The following FGFR2 variants were observed in gnomAD, a reference collection of about 807,000 sequenced individuals.
FGFR2 encodes BEK fibroblast growth factor receptor.
In FGFR2, 19 loss-of-function variants were observed where a neutral mutation model predicts 95.9. The ratio of observed to expected loss-of-function variants is 0.20; its 90% CI spans 0.14 to 0.29. The LOEUF is 0.29. Ranked by LOEUF, FGFR2 falls within the 10% of genes least tolerant of loss-of-function variation. The pLI, the probability that FGFR2 is intolerant of heterozygous loss-of-function variation, is 1.00. For synonymous variants in FGFR2, 392 were observed against 393.3 expected, an observed-to-expected ratio of 1.00 and a Z score of 0.04; for missense variants, 707 against 1,056.9, an observed-to-expected ratio of 0.67 and a Z score of 4.59.
chr10:121,520,204 T>C (rs368483634), intron 6 of FGFR2, 35 bp from the exon 7 acceptor site: 95 of 1,593,596 alleles, frequency 6.0e-5, no homozygotes, highest in Middle Eastern at 2.0e-4. Context: ...GGAGTGGGGA[T>C]GGGAGAATGA....
At chr10:121,499,017 A>G (rs963504887) in intron 11 of FGFR2, among the ~76,000 whole-genome samples, 4 of 152,194 alleles carry the variant, frequency 2.6e-5, no homozygotes, top group Non-Finnish European at 5.9e-5. Flanking sequence ...CCGACCAAGC[A>G]TTCTTAACCC....
Position 121,478,732 on chromosome 10 carries a change from A to G in FGFR2, c.*1125T>C, listed in dbSNP as rs953580588. 2.6e-5 allele frequency: 6 copies of G among 233,546 alleles called. No homozygotes were observed. Among genetic ancestry groups the G allele is most frequent in the Non-Finnish European group, 3.4e-5 (4 of 118,030 alleles). The allele number at this position is 233,546 out of a possible 1,614,324, so 14.5% of individuals were successfully genotyped here. ...TCCTAACAGGCGTCTCCAACGCCAAAGAGTCTGGAAGCCATTATCAAAATT... is the reference window on the plus strand; with the variant it reads ...TCCTAACAGGCGTCTCCAACGCCAAGGAGTCTGGAAGCCATTATCAAAATT... On this transcript the variant is annotated 3_prime_UTR_variant, in exon 18 of 18. Coordinates refer to ENST00000358487, the MANE Select transcript of FGFR2 (RefSeq NM_000141.5).
chr10:121,575,921 C>T (rs936696512), intron 2 of FGFR2, among the ~76,000 whole-genome samples: 1 of 151,628 alleles, frequency 6.6e-6, no homozygotes, highest in Non-Finnish European at 1.5e-5. Flanking sequence ...CGCAGTGGCT[C>T]ACATCTGTAA....
In FGFR2 at chr10:121,521,385, G is replaced by A. The variant is rs184198873; in HGVS notation, c.749-1216C>T. Among the ~76,000 whole-genome samples, 181 of 152,240 alleles carry A rather than the reference G, an allele frequency of 1.2e-3. 1 individual carries two copies. Among genetic ancestry groups the A allele is most frequent in the African/African-American group, 4.2e-3 (175 of 41,538 alleles). On this transcript the variant is annotated intron_variant, in intron 6 of 17. Transcript: ENST00000358487. ...AAAGGCTTCTCTCCAGCTAAGAGGC[G>A]GTCTCTGCAAAACTTTTGTGGAGAC...
chr10:121,482,285 C>G lies in FGFR2; in HGVS notation c.2301+1413G>C, dbSNP rs576159359. On this transcript the variant is annotated intron_variant, in intron 17 of 17. Coordinates refer to ENST00000358487, the MANE Select transcript of FGFR2 (RefSeq NM_000141.5). ...AAGAAGAAAGTTGGTTTCTTCCCCC[C>G]CTTGAACCGTTCCTTTCCTTTCAAC... is the stretch of plus-strand genomic sequence containing the variant. The G allele has an allele frequency of 1.3e-4, 119 of 919,360 alleles. 1 individual carries two copies. In the Middle Eastern group the frequency reaches 1.5e-3, roughly 12 times the overall value. 57.0% of individuals were successfully genotyped at this position (919,360 alleles called of 1,614,324 possible). A position where few individuals can be genotyped will look rare whatever the true frequency, so the allele number is the denominator to read the frequency against.
At chr10:121,510,458 C>T (rs1325616049) in intron 9 of FGFR2, among the ~76,000 whole-genome samples, 1 of 152,172 alleles carries the variant, frequency 6.6e-6, no homozygotes, top group African/African-American at 2.4e-5. Flanking sequence ...ACTCTAATTA[C>T]CCAAATGTTT....
At chr10:121,583,427 G>C (rs1038657934) in intron 2 of FGFR2, 1 of 152,326 alleles carries the variant, frequency 6.6e-6, no homozygotes, top group South Asian at 2.1e-4. Flanking sequence ...ATGCATCAAC[G>C]GGCAACAGAG....
At chr10:121,582,933 C>G (rs1342156301) in intron 2 of FGFR2, among the ~76,000 whole-genome samples, 1 of 152,190 alleles carries the variant, frequency 6.6e-6, no homozygotes, top group African/African-American at 2.4e-5. Flanking sequence ...AGCCTCGATT[C>G]ACCTACACAT....
chr10:121,556,894 T>G (rs1564983286), intron 4 of FGFR2, among the ~76,000 whole-genome samples: 1 of 152,194 alleles, frequency 6.6e-6, no homozygotes, highest in Non-Finnish European at 1.5e-5. Flanking sequence ...TTTGAATGCT[T>G]TGACTCCTGA....
intron 13 of FGFR2, among the ~76,000 whole-genome samples, chr10:121,491,655 G>C (rs1846143129): frequency 6.6e-6 from 1 of 152,082 alleles, no homozygotes; most frequent in Admixed American, 6.5e-5. Flanking sequence ...CGGATCCCGA[G>C]GTCAGGAGAT....
At chr10:121,578,192 A>T (rs1267657811) in intron 2 of FGFR2, among the ~76,000 whole-genome samples, 1 of 151,676 alleles carries the variant, frequency 6.6e-6, no homozygotes, top group Non-Finnish European at 1.5e-5. Flanking sequence ...TCTTTTAAAA[A>T]GGCACAGACC....
intron 17 of FGFR2, 196 bp from the exon 18 acceptor site, chr10:121,480,217 C>A (rs2133692483): frequency 1.4e-6 from 1 of 722,856 alleles, no homozygotes; most frequent in Non-Finnish European, 2.5e-6. Context: ...GAACAGAGAC[C>A]CAGCCCACCT....
At chr10:121,593,462 C>T (rs1396368121) in intron 2 of FGFR2, among the ~76,000 whole-genome samples, 1 of 152,138 alleles carries the variant, frequency 6.6e-6, no homozygotes, top group Non-Finnish European at 1.5e-5. Flanking sequence ...TCCCAGCTGT[C>T]TCCCTCACCC....
At chr10:121,549,218 G>T (rs936427987) in intron 5 of FGFR2, among the ~76,000 whole-genome samples, 5 of 152,186 alleles carry the variant, frequency 3.3e-5, no homozygotes, top group African/African-American at 1.2e-4. Context: ...AACTTTTGCA[G>T]AAGAAAATAA....
At chr10:121,561,364 C>T (rs574013285) in intron 4 of FGFR2, among the ~76,000 whole-genome samples, 3 of 145,254 alleles carry the variant, frequency 2.1e-5, no homozygotes, top group South Asian at 2.3e-4. Context: ...GCAGGGGCTG[C>T]GGTGAGCTGA....
In FGFR2 at chr10:121,479,602, G is replaced by T; in HGVS notation, c.*255C>A. ...AGTCCTACTGGTCCACAGCCAGTAC[G>T]CACGGCAGGTGAGAGGGGTTACATG... is the stretch of plus-strand genomic sequence containing the variant. On this transcript the variant is annotated 3_prime_UTR_variant, in exon 18 of 18. Transcript: ENST00000358487. The T allele has an allele frequency of 6.4e-7, 1 of 1,551,546 alleles. No homozygotes were observed. Among genetic ancestry groups the T allele is most frequent in the African/African-American group, 1.4e-5 (1 of 73,150 alleles).
chr10:121,528,042 G>A (rs1227987470), intron 6 of FGFR2: 4 of 151,914 alleles, frequency 2.6e-5, no homozygotes, highest in Non-Finnish European at 4.4e-5. Flanking sequence ...CAGGAATTAG[G>A]TATACCCTCT....
Position 121,485,539 on chromosome 10 carries a change from C to T in FGFR2, c.2058-7G>A, listed in dbSNP as rs1333804409. 1.2e-6 allele frequency: 2 copies of T among 1,613,982 alleles called. No homozygotes were observed. The highest frequency in any genetic ancestry group is 1.7e-6 in the Non-Finnish European group (2 of 1,180,010). ...TAACACCCCGAAGGACCAGCTGCAA[C>T]AAAAGGAGAAAGCACGGCATTACTA... On this transcript the variant is annotated splice_polypyrimidine_tract_variant and splice_region_variant and intron_variant, in intron 15 of 17. Transcript: ENST00000358487. The surrounding 1 kb of genome is among the most constrained non-coding windows in gnomAD (Gnocchi z 4.2).
chr10:121,562,251 T>C (rs1047375810), intron 4 of FGFR2, among the ~76,000 whole-genome samples: 6 of 148,698 alleles, frequency 4.0e-5, no homozygotes, highest in Non-Finnish European at 8.8e-5. Context: ...CAGCTTTATT[T>C]GCAACTGTCA....
Sources: gnomAD v4.1 joint callset for allele counts (sites outside exome capture counted in the v4.1 genomes callset) on GRCh38, gnomAD v4.1.1 for gene constraint, Gnocchi (gnomAD v3.1) non-coding constraint, MANE v1.5 for transcripts, NCBI Gene and HGNC (gene_info 2026-07-23, HGNC 2026-07-21) for gene names.